MDM4: variants seen among roughly 807,000 people sequenced by gnomAD.
MDM4 encodes the protein MDM4 regulator of p53, also known as protein Mdm4.
Under a neutral mutation model 60.2 loss-of-function variants are expected in MDM4, and 2 were observed. That is an observed-to-expected ratio of 0.03 (90% CI 0.01 to 0.10). The LOEUF (loss-of-function observed/expected upper bound fraction) is 0.10. Among genes scored for constraint, MDM4 ranks in the 10% least tolerant of loss-of-function variants. The pLI is 1.00. For synonymous variants in MDM4, 202 were observed against 198.1 expected (o/e 1.02, Z -0.17); for missense variants, 447 against 577.5 (o/e 0.77, Z 2.32).
rs1355408628 is a variant in MDM4, at chr1:204,543,048, T to C, written c.672+104T>C. Reference sequence around the variant, plus strand: ...ATATTCTCTAAGAATTCTTATTTACTCCTATGGCGTTAAATACCATCTGTA... The same window carrying C: ...ATATTCTCTAAGAATTCTTATTTACCCCTATGGCGTTAAATACCATCTGTA... On this transcript the variant is annotated intron_variant, in intron 8 of 10. Coordinates refer to ENST00000367182, the MANE Select transcript of MDM4 (RefSeq NM_002393.5). 3 of 1,000,696 alleles carry C rather than the reference T, an allele frequency of 3.0e-6. No individual in the cohort carries two copies. The East Asian group carries it at 7.3e-5, about 24-fold the overall frequency. 62.0% of individuals were successfully genotyped at this position (1,000,696 alleles called of 1,614,324 possible).
At chr1:204,525,213 C>A in intron 1 of MDM4, 1 of 325,092 alleles carries the variant, frequency 3.1e-6, no homozygotes, top group Non-Finnish European at 4.4e-6. Context: ...TACTGATTAA[C>A]ATCAGTTGGA....
Position 204,556,949 on chromosome 1 carries a change from T to C in MDM4, c.*7267T>C, listed in dbSNP as rs1423875395. 4 of 208,520 alleles carry C rather than the reference T, an allele frequency of 1.9e-5. No individual in the cohort carries two copies. The highest frequency in any genetic ancestry group is 3.9e-5 in the Non-Finnish European group (4 of 102,484). 12.9% of individuals were successfully genotyped at this position (208,520 alleles called of 1,614,324 possible). On this transcript the variant is annotated 3_prime_UTR_variant, in exon 11 of 11. Transcript: ENST00000367182. ...TAGCTATGCACTATTAAGTGCCTCTTGGGTAGAGGTAGAGTTAAGTATTGA... is the reference window on the plus strand; with the variant it reads ...TAGCTATGCACTATTAAGTGCCTCTCGGGTAGAGGTAGAGTTAAGTATTGA...
At position 204,551,461 on chromosome 1, in the gene MDM4, CTTTTTTTTTTT is replaced by C. The variant is rs56047802; in HGVS notation, c.*1798_*1808del. 112 of 91,296 alleles carry C rather than the reference CTTTTTTTTTTT, an allele frequency of 1.2e-3. No individual in the cohort carries two copies. The highest frequency in any genetic ancestry group is 2.2e-3 in the East Asian group (16 of 7,164). 5.7% of individuals were successfully genotyped at this position (91,296 alleles called of 1,614,324 possible). ...ATACTGGATGGTTGAGAGGCAGCCT[CTTTTTTTTTTT>C]TTTTTTTTTTTTTTTTTTGGAGGAT... On this transcript the variant is annotated 3_prime_UTR_variant, in exon 11 of 11. Coordinates refer to ENST00000367182, the MANE Select transcript of MDM4 (RefSeq NM_002393.5).
intron 9 of MDM4, among the ~76,000 whole-genome samples, chr1:204,545,216 A>G (rs1662534421): frequency 6.6e-6 from 1 of 152,174 alleles, no homozygotes; most frequent in Non-Finnish European, 1.5e-5. Flanking sequence ...GAGAAAACTT[A>G]TTTCTTGGAA....
rs2290854 is a variant in MDM4, at chr1:204,546,897, A to G, written c.903+20A>G. ...TCTGAGGTATGAATCTTTAGCAAGA[A>G]CTATTTTGCACCAGCCCCATCTTCA... is the stretch of plus-strand genomic sequence containing the variant. On this transcript the variant is annotated intron_variant, in intron 10 of 10. Transcript: ENST00000367182. 1,017,921 of 1,520,660 alleles carry G rather than the reference A, an allele frequency of 0.67. 347,174 individuals carry two copies. Among genetic ancestry groups the G allele is most frequent in the East Asian group, 0.71 (31,482 of 44,176 alleles). The allele number at this position is 1,520,660 out of a possible 1,614,324, so 94.2% of individuals were successfully genotyped here.
Position 204,550,110 on chromosome 1 carries a change from A to G in MDM4, c.*428A>G, listed in dbSNP as rs922591086. 20 of 226,686 alleles carry G rather than the reference A, an allele frequency of 8.8e-5. No individual in the cohort carries two copies. Among genetic ancestry groups the G allele is most frequent in the African/African-American group, 3.4e-4 (15 of 43,540 alleles). 14.0% of individuals were successfully genotyped at this position (226,686 alleles called of 1,614,324 possible). On this transcript the variant is annotated 3_prime_UTR_variant, in exon 11 of 11. Coordinates refer to ENST00000367182, the MANE Select transcript of MDM4 (RefSeq NM_002393.5). ...CCCCTCTTCAGACAGTCCTTCAGCT[A>G]TTTCATGGCTCTCACCCTAGTTTTT... is the stretch of plus-strand genomic sequence containing the variant.
chr1:204,535,025 G>C (rs1047467734), intron 5 of MDM4, among the ~76,000 whole-genome samples: 17 of 152,078 alleles, frequency 1.1e-4, no homozygotes, highest in African/African-American at 4.1e-4. Context: ...GTTGATTTTT[G>C]TGATTTGGGT....
intron 5 of MDM4, among the ~76,000 whole-genome samples, chr1:204,536,554 A>C (rs1325695176): frequency 6.6e-6 from 1 of 152,222 alleles, no homozygotes; most frequent in African/African-American, 2.4e-5. Flanking sequence ...CCTGACCCAC[A>C]GTAGACTTAT....
intron 5 of MDM4, among the ~76,000 whole-genome samples, chr1:204,534,989 A>G (rs1355335760): frequency 6.6e-6 from 1 of 151,956 alleles, no homozygotes; most frequent in Non-Finnish European, 1.5e-5. Flanking sequence ...TTGCAATTGC[A>G]TTGGTGCTTG....
At chr1:204,543,356 C>A (rs961389112) in intron 8 of MDM4, among the ~76,000 whole-genome samples, 2 of 152,162 alleles carry the variant, frequency 1.3e-5, no homozygotes, top group Admixed American at 1.3e-4. Context: ...TAAAAATTAG[C>A]CAGGCGTGGT....
intron 1 of MDM4, among the ~76,000 whole-genome samples, chr1:204,523,810 C>T (rs1659826660): frequency 6.6e-6 from 1 of 152,120 alleles, no homozygotes; most frequent in Non-Finnish European, 1.5e-5. Flanking sequence ...ACGGATGGAG[C>T]AATGGTGAGA....
chr1:204,533,306 C>A (rs1229598741), intron 5 of MDM4, among the ~76,000 whole-genome samples: 1 of 152,178 alleles, frequency 6.6e-6, no homozygotes, highest in Admixed American at 6.5e-5. Flanking sequence ...ACATAAAGCC[C>A]TTTTGTGAGC....
At chr1:204,536,991 A>G (rs1426509072) in intron 5 of MDM4, 9 of 350,094 alleles carry the variant, frequency 2.6e-5, no homozygotes, top group Non-Finnish European at 4.4e-5. Flanking sequence ...AGATCCCATA[A>G]CCCTGTATGA....
intron 9 of MDM4, among the ~76,000 whole-genome samples, chr1:204,545,613 G>A (rs538766739): frequency 1.3e-5 from 2 of 152,192 alleles, no homozygotes; most frequent in Non-Finnish European, 2.9e-5. Context: ...TGGTACCTGG[G>A]TTCTCTTAGA....
In MDM4 at chr1:204,557,253, T is replaced by TA. The variant is rs1235668613; in HGVS notation, c.*7572dup. 2.1e-5 allele frequency: 4 copies of TA among 191,810 alleles called. No individual in the cohort carries two copies. Among genetic ancestry groups the TA allele is most frequent in the African/African-American group, 9.3e-5 (4 of 42,968 alleles). The allele number at this position is 191,810 out of a possible 1,614,324, so 11.9% of individuals were successfully genotyped here. On this transcript the variant is annotated 3_prime_UTR_variant, in exon 11 of 11. Coordinates refer to ENST00000367182, the MANE Select transcript of MDM4 (RefSeq NM_002393.5). ...CCTGTTTGATTACTGCAGGCCCTTT[T>TA]ACCCATGCTTCTAGTTTAGGTATTC...
rs1295131517 is a variant in MDM4 at position 204,546,890 on chromosome 1, A to G, written c.903+13A>G. 2.6e-6 allele frequency: 4 copies of G among 1,564,838 alleles called. No individual in the cohort carries two copies. Among genetic ancestry groups the G allele is most frequent in the Non-Finnish European group, 3.5e-6 (4 of 1,136,706 alleles). On this transcript the variant is annotated intron_variant, in intron 10 of 10. Transcript: ENST00000367182. ...GGTTACCTCTGAGGTATGAATCTTT[A>G]GCAAGAACTATTTTGCACCAGCCCC...
chr1:204,524,892 C>A (rs1659961389), intron 1 of MDM4, among the ~76,000 whole-genome samples: 1 of 152,152 alleles, frequency 6.6e-6, no homozygotes, highest in South Asian at 2.1e-4. Flanking sequence ...CTTCATGCTA[C>A]ATCTTTTCTT....
chr1:204,525,707 A>G lies in MDM4; in HGVS notation c.78+111A>G, dbSNP rs975559312. On this transcript the variant is annotated intron_variant, in intron 2 of 10. Transcript: ENST00000367182. ...AGCACTTTGAGAAGTCAAGGCAGGA[A>G]GCTTACTTGAAGCCAGGTGTTTGAG... 5.6e-6 allele frequency: 4 copies of G among 713,378 alleles called. No homozygotes were observed. In the African/African-American group the frequency reaches 7.3e-5, roughly 13 times the overall value. 44.2% of individuals were successfully genotyped at this position (713,378 alleles called of 1,614,324 possible).
At chr1:204,522,480 C>G (rs988252341) in intron 1 of MDM4, among the ~76,000 whole-genome samples, 5 of 151,822 alleles carry the variant, frequency 3.3e-5, no homozygotes, top group African/African-American at 1.2e-4. Context: ...TCACTGCAAC[C>G]TCCGCTTCCC....
Sources: allele counts gnomAD v4.1 joint callset (sites outside exome capture counted in the v4.1 genomes callset), GRCh38; gene constraint gnomAD v4.1.1; transcripts MANE v1.5; gene names NCBI Gene and HGNC (gene_info 2026-07-23, HGNC 2026-07-21).